Variants in PRKCA observed in about 807,000 individuals in gnomAD.
PRKCA encodes the protein protein kinase C alpha.
In PRKCA, 27 loss-of-function variants were observed where a neutral mutation model predicts 87.0. The observed-to-expected ratio is 0.31, with a 90% CI of 0.23 to 0.43. The LOEUF is 0.43. Among genes scored for constraint, PRKCA ranks in the 20% least tolerant of loss-of-function variants. The pLI is 1.00. For synonymous variants in PRKCA, 329 were observed against 311.1 expected, an observed-to-expected ratio of 1.06 and a Z score of -0.61; for missense variants, 518 against 852.3, an observed-to-expected ratio of 0.61 and a Z score of 4.88.
chr17:66,461,465 G>A (rs1076427), intron 2 of PRKCA, among the ~76,000 whole-genome samples: 7,564 of 152,128 alleles, frequency 0.05, 618 homozygotes, highest in African/African-American at 0.17. Flanking sequence ...GAGTTGTGGT[G>A]AACAGTTTCA....
intron 13 of PRKCA, among the ~76,000 whole-genome samples, chr17:66,773,559 A>G (rs1974986354): frequency 7.0e-6 from 1 of 143,722 alleles, no homozygotes; most frequent in Admixed American, 7.2e-5. Context: ...TTACTATGTC[A>G]CCCAAGCTGG....
At chr17:66,527,259 T>C (rs1260373532) in intron 3 of PRKCA, among the ~76,000 whole-genome samples, 1 of 148,934 alleles carries the variant, frequency 6.7e-6, no homozygotes, top group African/African-American at 2.4e-5. Context: ...GTGCTTTGCA[T>C]TCTCATTATT....
chr17:66,467,312 T>G (rs1206308362), intron 2 of PRKCA, among the ~76,000 whole-genome samples: 1 of 152,162 alleles, frequency 6.6e-6, no homozygotes, highest in East Asian at 1.9e-4. Context: ...TCATGCTATG[T>G]AGCCAGATGT....
chr17:66,706,831 A>G (rs1000049939), intron 8 of PRKCA, among the ~76,000 whole-genome samples: 4 of 152,206 alleles, frequency 2.6e-5, no homozygotes, highest in Non-Finnish European at 4.4e-5. Flanking sequence ...GAGTCCCTGC[A>G]AAAGAGACTG....
intron 2 of PRKCA, among the ~76,000 whole-genome samples, chr17:66,481,159 C>G (rs1915760322): frequency 6.6e-6 from 1 of 152,136 alleles, no homozygotes; most frequent in South Asian, 2.1e-4. Flanking sequence ...GCACTCACAC[C>G]TTACATTGGC....
intron 15 of PRKCA, chr17:66,787,227 C>A: frequency 1.5e-6 from 1 of 654,480 alleles, no homozygotes; most frequent in Non-Finnish European, 2.9e-6. Context: ...GGCCTGGCTG[C>A]TTTCACTCAA....
At chr17:66,587,869 A>G (rs201145067) in intron 3 of PRKCA, among the ~76,000 whole-genome samples, 43,504 of 78,820 alleles carry the variant, frequency 0.55, 12,466 homozygotes, top group African/African-American at 0.74. Context: ...ATACATATGT[A>G]TGTGTGTGTG....
At chr17:66,699,113 G>A (rs1973001103) in intron 8 of PRKCA, among the ~76,000 whole-genome samples, 1 of 151,464 alleles carries the variant, frequency 6.6e-6, no homozygotes, top group Admixed American at 6.6e-5. Flanking sequence ...GCAGGAGGAT[G>A]GCTTGAGCTC....
intron 3 of PRKCA, among the ~76,000 whole-genome samples, chr17:66,639,763 G>T (rs1054165446): frequency 6.6e-6 from 1 of 151,732 alleles, no homozygotes; most frequent in Middle Eastern, 3.2e-3. Context: ...TTGGGAGGCC[G>T]AAGCAAGTAG....
At chr17:66,726,963 A>ATC (rs1973767686) in intron 8 of PRKCA, among the ~76,000 whole-genome samples, 1 of 152,028 alleles carries the variant, frequency 6.6e-6, no homozygotes, top group East Asian at 1.9e-4. Context: ...ACCTCAGGTG[A>ATC]TCCTCCTGCC....
chr17:66,663,927 G>C (rs927766554), intron 5 of PRKCA, among the ~76,000 whole-genome samples: 4 of 151,452 alleles, frequency 2.6e-5, no homozygotes, highest in Non-Finnish European at 5.9e-5. Context: ...GAGTTCAGTG[G>C]CGTGATCTTG....
chr17:66,733,258 A>G (rs1256174007), intron 9 of PRKCA, among the ~76,000 whole-genome samples: 1 of 152,104 alleles, frequency 6.6e-6, no homozygotes, highest in Non-Finnish European at 1.5e-5. Context: ...TCAGTTTGCA[A>G]ACCCATAAAA....
intron 8 of PRKCA, among the ~76,000 whole-genome samples, chr17:66,704,413 A>G (rs1229662252): frequency 6.6e-6 from 1 of 152,222 alleles, no homozygotes; most frequent in Non-Finnish European, 1.5e-5. Flanking sequence ...TACATATTCT[A>G]CTAACTCTAT....
intron 3 of PRKCA, among the ~76,000 whole-genome samples, chr17:66,636,931 A>C (rs1038391401): frequency 5.3e-5 from 8 of 152,224 alleles, no homozygotes; most frequent in African/African-American, 1.9e-4. Flanking sequence ...GCACCTGTGC[A>C]CAATTGCTGA....
intron 8 of PRKCA, among the ~76,000 whole-genome samples, chr17:66,692,487 C>T (rs759411853): frequency 1.3e-5 from 2 of 152,200 alleles, no homozygotes. Flanking sequence ...AGTTGCAAGA[C>T]TTCCCCAGTG....
chr17:66,437,837 G>A (rs1021524459), intron 2 of PRKCA, among the ~76,000 whole-genome samples: 27 of 150,786 alleles, frequency 1.8e-4, no homozygotes, highest in African/African-American at 2.4e-5. Flanking sequence ...ACTCATCTCC[G>A]TCTCTGTTTC....
intron 2 of PRKCA, among the ~76,000 whole-genome samples, chr17:66,322,642 T>TG (rs1048912879): frequency 6.7e-6 from 1 of 149,744 alleles, no homozygotes; most frequent in Non-Finnish European, 1.5e-5. Flanking sequence ...TTTAATTGTT[T>TG]TTTTTTTTTT....
At chr17:66,536,048 A>G (rs1967768748) in intron 3 of PRKCA, among the ~76,000 whole-genome samples, 1 of 152,136 alleles carries the variant, frequency 6.6e-6, no homozygotes, top group African/African-American at 2.4e-5. Flanking sequence ...TAATGTACTC[A>G]TAATTTCTGT....
intron 3 of PRKCA, among the ~76,000 whole-genome samples, chr17:66,517,550 T>C (rs1967008409): frequency 6.6e-6 from 1 of 152,212 alleles, no homozygotes; most frequent in Non-Finnish European, 1.5e-5. Context: ...TGTATCTGGC[T>C]CTCAACAAAT....
Sources: allele counts gnomAD v4.1 joint callset (sites outside exome capture counted in the v4.1 genomes callset), GRCh38; gene constraint gnomAD v4.1.1; transcripts MANE v1.5; gene names NCBI Gene and HGNC (gene_info 2026-07-23, HGNC 2026-07-21).